The following DPP10 variants were observed in gnomAD, a reference collection of about 807,000 sequenced individuals.
DPP10 encodes the protein dipeptidyl peptidase like 10, also known as inactive dipeptidyl peptidase 10.
DPP10 carries 33 observed loss-of-function variants against 120.9 expected under a neutral mutation model. The ratio of observed to expected loss-of-function variants is 0.27; its 90% CI spans 0.21 to 0.37. The LOEUF (loss-of-function observed/expected upper bound fraction) is 0.37. DPP10 is among the 10% of genes least tolerant of loss of function. DPP10 has a pLI of 1.00. For missense variants in DPP10, 816 were observed against 942.8 expected, an observed-to-expected ratio of 0.87 and a Z score of 1.76; for synonymous variants, 337 against 326.1, an observed-to-expected ratio of 1.03 and a Z score of -0.36.
At chr2:114,705,383 AAGG>A (rs1177665888) in intron 1 of DPP10, among the ~76,000 whole-genome samples, 1 of 152,148 alleles carries the variant, frequency 6.6e-6, no homozygotes, top group Non-Finnish European at 1.5e-5. Flanking sequence ...ATGAGAACAA[AAGG>A]AGTAGAATAT....
intron 1 of DPP10, among the ~76,000 whole-genome samples, chr2:114,554,546 C>G (rs1688138147): frequency 6.6e-6 from 1 of 152,164 alleles, no homozygotes; most frequent in Non-Finnish European, 1.5e-5. Flanking sequence ...CAATAGTTGA[C>G]ATGAGGTTGT....
chr2:115,363,102 C>G (rs2064880967), intron 3 of DPP10, among the ~76,000 whole-genome samples: 1 of 152,160 alleles, frequency 6.6e-6, no homozygotes, highest in Non-Finnish European at 1.5e-5. Flanking sequence ...CCTATCTGGT[C>G]TCTGGTGTTA....
intron 2 of DPP10, among the ~76,000 whole-genome samples, chr2:115,318,480 G>A (rs1296582747): frequency 3.9e-5 from 6 of 152,000 alleles, no homozygotes; most frequent in Non-Finnish European, 1.5e-5. Context: ...GATTTTAATA[G>A]TAATTGCATT....
At chr2:115,673,041 G>T (rs530541274) in intron 5 of DPP10, among the ~76,000 whole-genome samples, 55 of 152,094 alleles carry the variant, frequency 3.6e-4, no homozygotes, top group South Asian at 1.9e-3. Context: ...AAGCCACTGC[G>T]CCCGACTATC....
At chr2:114,535,092 C>A (rs201105774) in intron 1 of DPP10, among the ~76,000 whole-genome samples, 23 of 151,260 alleles carry the variant, frequency 1.5e-4, no homozygotes, top group African/African-American at 9.7e-5. Flanking sequence ...TTTGTTTCTA[C>A]AAAAAAAAAC....
intron 1 of DPP10, among the ~76,000 whole-genome samples, chr2:115,201,886 CATT>C (rs1391513185): frequency 1.3e-5 from 2 of 152,032 alleles, no homozygotes; most frequent in Non-Finnish European, 2.9e-5. Flanking sequence ...AGAAGGAAAA[CATT>C]AGGGCATTAT....
chr2:115,229,012 C>T (rs949151115), intron 1 of DPP10, among the ~76,000 whole-genome samples: 1 of 152,066 alleles, frequency 6.6e-6, no homozygotes, highest in Non-Finnish European at 1.5e-5. Context: ...CAAGGGTCCC[C>T]TTTTCTAAAT....
At chr2:114,737,900 C>T (rs974091211) in intron 1 of DPP10, among the ~76,000 whole-genome samples, 10 of 152,182 alleles carry the variant, frequency 6.6e-5, no homozygotes, top group African/African-American at 2.2e-4. Flanking sequence ...TCTTACATTG[C>T]TATGAAGAAC....
intron 1 of DPP10, among the ~76,000 whole-genome samples, chr2:114,464,929 A>G (rs535329612): frequency 4.9e-4 from 74 of 152,294 alleles, no homozygotes; most frequent in African/African-American, 1.7e-3. Flanking sequence ...GCTGCTATAT[A>G]TGGCATGATA....
At chr2:114,959,517 A>G (rs1282150239) in intron 1 of DPP10, among the ~76,000 whole-genome samples, 1 of 152,218 alleles carries the variant, frequency 6.6e-6, no homozygotes, top group Non-Finnish European at 1.5e-5. Flanking sequence ...CCTATTATGA[A>G]TAATAACACT....
At chr2:114,496,628 T>C (rs73946180) in intron 1 of DPP10, among the ~76,000 whole-genome samples, 5,887 of 152,080 alleles carry the variant, frequency 0.039, 378 homozygotes, top group African/African-American at 0.13. Context: ...AGGCCCCACC[T>C]CCTGATATCT....
intron 1 of DPP10, among the ~76,000 whole-genome samples, chr2:115,277,100 C>G (rs79469298): frequency 6.6e-6 from 1 of 152,176 alleles, no homozygotes; most frequent in South Asian, 2.1e-4. Flanking sequence ...ATACTTATAA[C>G]TTAGATATTA....
intron 2 of DPP10, among the ~76,000 whole-genome samples, chr2:115,336,096 G>T (rs1483031648): frequency 6.6e-6 from 1 of 151,882 alleles, no homozygotes; most frequent in Non-Finnish European, 1.5e-5. Context: ...GAGGAACCAA[G>T]AACTTAAAGT....
At chr2:114,834,217 G>A (rs1188440925) in intron 1 of DPP10, among the ~76,000 whole-genome samples, 1 of 138,542 alleles carries the variant, frequency 7.2e-6, no homozygotes, top group Non-Finnish European at 1.6e-5. Flanking sequence ...ACACACCTAT[G>A]TATATATATA....
At chr2:115,836,445 T>G in intron 22 of DPP10, 62 bp from the exon 23 acceptor site, 5 of 1,557,030 alleles carry the variant, frequency 3.2e-6, no homozygotes, top group Non-Finnish European at 4.4e-6. Context: ...AAGAAATTAA[T>G]GAAATATGCC....
intron 1 of DPP10, among the ~76,000 whole-genome samples, chr2:114,813,442 C>T (rs544450600): frequency 5.9e-5 from 9 of 152,258 alleles, no homozygotes; most frequent in East Asian, 1.9e-4. Flanking sequence ...GGCTCCTGCA[C>T]GCAGTAAATA....
chr2:115,171,015 A>G (rs1008073660), intron 1 of DPP10, among the ~76,000 whole-genome samples: 2 of 152,060 alleles, frequency 1.3e-5, no homozygotes, highest in African/African-American at 4.8e-5. Context: ...GCCTCTCTAC[A>G]TTTCTGAGAG....
chr2:114,783,178 G>T (rs902698285), intron 1 of DPP10, among the ~76,000 whole-genome samples: 4 of 152,098 alleles, frequency 2.6e-5, no homozygotes, highest in Admixed American at 6.6e-5. Context: ...GTGTTGAAAA[G>T]ATCTGTAACT....
chr2:114,710,879 G>T (rs1207405471), intron 1 of DPP10, among the ~76,000 whole-genome samples: 1 of 152,220 alleles, frequency 6.6e-6, no homozygotes, highest in Non-Finnish European at 1.5e-5. Flanking sequence ...GACAAGGGTT[G>T]TTCCAGATGA....
Sources: allele counts gnomAD v4.1 joint callset (sites outside exome capture counted in the v4.1 genomes callset), GRCh38; gene constraint gnomAD v4.1.1; transcripts MANE v1.5; gene names NCBI Gene and HGNC (gene_info 2026-07-23, HGNC 2026-07-21).